Variants in HYDIN observed in about 807,000 individuals in gnomAD.
HYDIN encodes the protein axonemal central pair apparatus protein HYDIN.
A neutral mutation model predicts 403.9 loss-of-function variants in HYDIN; 132 were observed. That is an observed-to-expected ratio of 0.33 (90% CI 0.28 to 0.38). The LOEUF (loss-of-function observed/expected upper bound fraction) is 0.38, where lower values mean the gene tolerates loss of function less well. Ranked by LOEUF, HYDIN falls within the 10% of genes least tolerant of loss-of-function variation. HYDIN has a pLI of 1.00. For synonymous variants in HYDIN, 1,202 were observed against 1,891.7 expected (o/e 0.64, Z 9.46); for missense variants, 2,827 against 5,009.5 (o/e 0.56, Z 13.15).
chr16:71,184,736 G>A, intron 3 of HYDIN, 129 bp downstream of exon 3: 7 of 737,716 alleles, frequency 9.5e-6, no homozygotes, highest in Non-Finnish European at 1.3e-5. Context: ...TTCAGAGGCA[G>A]AAAAGGAGGA....
chr16:70,947,782 A>G (rs2143905416), intron 41 of HYDIN, among the ~76,000 whole-genome samples: 1 of 152,298 alleles, frequency 6.6e-6, no homozygotes, highest in African/African-American at 2.4e-5. Context: ...GAGAACTACA[A>G]ATCACTGCTC....
intron 41 of HYDIN, among the ~76,000 whole-genome samples, chr16:70,946,773 T>C (rs967929173): frequency 5.3e-5 from 8 of 152,126 alleles, no homozygotes; most frequent in African/African-American, 1.2e-4. Flanking sequence ...CGGTGAACAA[T>C]GTCTAGGATG....
intron 1 of HYDIN, among the ~76,000 whole-genome samples, chr16:71,198,874 T>C (rs1407834289): frequency 1.3e-5 from 2 of 152,342 alleles, no homozygotes; most frequent in East Asian, 1.9e-4. Context: ...TCCTTCATAG[T>C]ATGCATATCT....
At chr16:70,967,917 T>G (rs1272759825) in intron 36 of HYDIN, among the ~76,000 whole-genome samples, 1 of 151,974 alleles carries the variant, frequency 6.6e-6, no homozygotes, top group Non-Finnish European at 1.5e-5. Flanking sequence ...AATTGATAAG[T>G]AAGTTTATAT....
At chr16:71,064,454 A>G (rs1263107279) in intron 16 of HYDIN, among the ~76,000 whole-genome samples, 1 of 151,692 alleles carries the variant, frequency 6.6e-6, no homozygotes, top group South Asian at 2.1e-4. Context: ...CTTAATTGAC[A>G]CTTTCCCTTG....
intron 62 of HYDIN, among the ~76,000 whole-genome samples, chr16:70,875,930 C>A (rs12149521): frequency 6.6e-6 from 1 of 152,022 alleles, no homozygotes; most frequent in Admixed American, 6.6e-5. Flanking sequence ...TATAAAGCCA[C>A]AATAATGGAA....
At chr16:70,833,392 C>T (rs996136049) in intron 79 of HYDIN, among the ~76,000 whole-genome samples, 4 of 130,624 alleles carry the variant, frequency 3.1e-5, no homozygotes, top group Admixed American at 1.5e-4. Flanking sequence ...TAAGGTCACA[C>T]AGCTAGGAAG....
At chr16:70,906,992 G>A (rs112626498) in intron 50 of HYDIN, among the ~76,000 whole-genome samples, 6,031 of 152,136 alleles carry the variant, frequency 0.04, 421 homozygotes, top group African/African-American at 0.14. Flanking sequence ...TCTCATCTAC[G>A]TCTGTGGCTT....
intron 23 of HYDIN, among the ~76,000 whole-genome samples, chr16:71,004,512 A>G (rs1244409158): frequency 3.3e-5 from 5 of 152,144 alleles, no homozygotes; most frequent in African/African-American, 1.2e-4. Flanking sequence ...GTAGTATAGT[A>G]AATTGAATCA....
At chr16:70,851,653 G>A (rs1034947997) in intron 73 of HYDIN, among the ~76,000 whole-genome samples, 3 of 150,582 alleles carry the variant, frequency 2.0e-5, no homozygotes, top group Non-Finnish European at 4.4e-5. Context: ...CTGCCACTGT[G>A]GAAAGCAGTT....
intron 75 of HYDIN, among the ~76,000 whole-genome samples, 193 bp downstream of exon 75, chr16:70,849,533 C>A (rs547734184): frequency 6.6e-6 from 1 of 152,016 alleles, no homozygotes; most frequent in Non-Finnish European, 1.5e-5. Flanking sequence ...GCTTTTCAAT[C>A]CACACTTACT....
rs1305473734 is a variant in HYDIN, at chr16:71,087,511, C to T, written c.1670+790G>A. ...CCTATGTCCAAGAAGAGTTACATTCCGAGGTACTGGGTGTTAGGACTTCAA... is the reference window on the plus strand; with the variant it reads ...CCTATGTCCAAGAAGAGTTACATTCTGAGGTACTGGGTGTTAGGACTTCAA... On this transcript the variant is annotated intron_variant, in intron 12 of 85. Transcript: ENST00000393567. 1.2e-4 allele frequency among the ~76,000 whole-genome samples: 17 copies of T among 137,592 alleles called. 1 individual carries two copies. The East Asian group carries it at 2.0e-3, about 17-fold the overall frequency. The allele number at this position is 137,592 out of a possible 152,430, so 90.3% of individuals were successfully genotyped here. A position where few individuals can be genotyped will look rare whatever the true frequency, so the allele number is the denominator to read the frequency against.
chr16:70,906,863 C>CA (rs2076551587), intron 50 of HYDIN, among the ~76,000 whole-genome samples: 1 of 152,214 alleles, frequency 6.6e-6, no homozygotes. Context: ...TAACACTGGT[C>CA]TTTTTGGTTT....
At chr16:70,876,050 G>C (rs2040428736) in intron 62 of HYDIN, among the ~76,000 whole-genome samples, 1 of 152,014 alleles carries the variant, frequency 6.6e-6, no homozygotes. Context: ...GCTACGAAGA[G>C]AATGAGGAGT....
chr16:71,178,905 C>A (rs770525940), intron 4 of HYDIN, 23 bp downstream of exon 4: 1 of 1,598,176 alleles, frequency 6.3e-7, no homozygotes. Context: ...GAACAGTTCA[C>A]CCACCCCAGT....
At chr16:71,042,611 G>A (rs1359619396) in intron 18 of HYDIN, among the ~76,000 whole-genome samples, 3 of 152,110 alleles carry the variant, frequency 2.0e-5, no homozygotes, top group African/African-American at 7.2e-5. Context: ...CTATGACGAC[G>A]TTTCCCTTCT....
At chr16:71,019,474 G>A (rs2080391843) in intron 22 of HYDIN, among the ~76,000 whole-genome samples, 1 of 152,312 alleles carries the variant, frequency 6.6e-6, no homozygotes, top group Admixed American at 6.5e-5. Flanking sequence ...CCAGCTGAAA[G>A]CCAGGCCAGC....
At chr16:71,168,319 CAAAAAAAAA>C (rs71302043) in intron 5 of HYDIN, among the ~76,000 whole-genome samples, 1 of 86,474 alleles carries the variant, frequency 1.2e-5, no homozygotes, top group Non-Finnish European at 2.3e-5. Flanking sequence ...AACCCTGCTT[CAAAAAAAAA>C]AAAAAAAAAA....
At chr16:70,975,113 G>A (rs2078850567) in intron 31 of HYDIN, 23 bp downstream of exon 31, 1 of 468,670 alleles carries the variant, frequency 2.1e-6, no homozygotes. Flanking sequence ...AGCACAGAAA[G>A]GCAGTCACTG....
Sources: allele counts gnomAD v4.1 joint callset (sites outside exome capture counted in the v4.1 genomes callset), GRCh38; gene constraint gnomAD v4.1.1; transcripts MANE v1.5; gene names NCBI Gene and HGNC (gene_info 2026-07-23, HGNC 2026-07-21).